Variants in PVT1 observed in about 807,000 individuals in gnomAD.
PVT1 encodes the protein Pvt1 oncogene.
rs1815280710 is a variant in PVT1 at position 127,865,830 on chromosome 8, G to A, written n.373-24759G>A. ...TGATGGCCAGCCTGGCATCCAGCCTGTGGGGAGTGGGAGCTGAGGGCAGTC... is the reference window on the plus strand; with the variant it reads ...TGATGGCCAGCCTGGCATCCAGCCTATGGGGAGTGGGAGCTGAGGGCAGTC... On this transcript the variant is annotated intron_variant and non_coding_transcript_variant, in intron 2 of 10. Transcript: ENST00000651587. Among the ~76,000 whole-genome samples the A allele has an allele frequency of 2.0e-5, 3 of 152,356 alleles. No homozygotes were observed. In the South Asian group the frequency reaches 6.2e-4, roughly 32 times the overall value.
intron 2 of PVT1, among the ~76,000 whole-genome samples, chr8:127,880,596 C>CTT (rs35252729): frequency 2.0e-4 from 22 of 108,086 alleles, no homozygotes; most frequent in South Asian, 6.9e-4. Context: ...GCCCCCGGCC[C>CTT]TTTTTTTTTT....
chr8:127,809,928 A>G (rs1266576276), intron 2 of PVT1, among the ~76,000 whole-genome samples: 1 of 152,232 alleles, frequency 6.6e-6, no homozygotes, highest in African/African-American at 2.4e-5. Context: ...ACAAAACAAA[A>G]GAGTTCATTT....
chr8:127,874,158 G>T (rs1437026948), intron 2 of PVT1, among the ~76,000 whole-genome samples: 1 of 152,206 alleles, frequency 6.6e-6, no homozygotes, highest in Non-Finnish European at 1.5e-5. Context: ...GCATCTTGGG[G>T]TGCAGTGCTA....
intron 4 of PVT1, among the ~76,000 whole-genome samples, chr8:128,023,902 A>C (rs1395882460): frequency 6.6e-6 from 1 of 152,214 alleles, no homozygotes; most frequent in African/African-American, 2.4e-5. Flanking sequence ...AACAAAAAAA[A>C]CAGCGGTCCC....
chr8:127,868,204 T>C (rs910488560), intron 2 of PVT1, among the ~76,000 whole-genome samples: 1 of 152,148 alleles, frequency 6.6e-6, no homozygotes, highest in Non-Finnish European at 1.5e-5. Context: ...GAGGTTAGGG[T>C]CCACCTTAGC....
At chr8:127,961,116 G>A (rs1201840397) in intron 3 of PVT1, among the ~76,000 whole-genome samples, 1 of 152,176 alleles carries the variant, frequency 6.6e-6, no homozygotes, top group Non-Finnish European at 1.5e-5. Flanking sequence ...AGGCAGGAGG[G>A]AGACAGGAAA....
intron 3 of PVT1, chr8:127,947,773 C>G (rs1465089227): frequency 2.2e-6 from 1 of 456,530 alleles, no homozygotes; most frequent in Admixed American, 2.3e-5. Context: ...GACAAGGTTT[C>G]TGAATCTTGT....
At chr8:127,835,796 T>C (rs977215808) in intron 2 of PVT1, among the ~76,000 whole-genome samples, 18 of 152,180 alleles carry the variant, frequency 1.2e-4, no homozygotes, top group African/African-American at 4.3e-4. Context: ...CACACACAAT[T>C]GGATGAGGTA....
chr8:127,895,147 G>A (rs1815659369), intron 3 of PVT1, among the ~76,000 whole-genome samples: 11 of 152,152 alleles, frequency 7.2e-5, no homozygotes, highest in Admixed American at 7.2e-4. Context: ...ACTTATTCAT[G>A]TATTCATTTC....
At chr8:128,038,134 T>C (rs1347276540) in intron 4 of PVT1, among the ~76,000 whole-genome samples, 1 of 152,182 alleles carries the variant, frequency 6.6e-6, no homozygotes, top group African/African-American at 2.4e-5. Context: ...AAATTTCTGG[T>C]AGACTTCTTG....
At chr8:127,829,288 A>G (rs1814825090) in intron 2 of PVT1, among the ~76,000 whole-genome samples, 2 of 152,176 alleles carry the variant, frequency 1.3e-5, no homozygotes, top group African/African-American at 4.8e-5. Context: ...AGGGGAAAAA[A>G]AATGCATATT....
At chr8:128,042,587 G>A (rs1346963356) in intron 4 of PVT1, among the ~76,000 whole-genome samples, 3 of 152,044 alleles carry the variant, frequency 2.0e-5, no homozygotes, top group African/African-American at 7.2e-5. Context: ...AGAAGGAGTG[G>A]AGCCTGGCAG....
chr8:128,065,634 T>C (rs1813899736), intron 4 of PVT1, among the ~76,000 whole-genome samples: 1 of 152,118 alleles, frequency 6.6e-6, no homozygotes, highest in Admixed American at 6.6e-5. Flanking sequence ...TCAATAGGCA[T>C]AGTATCTGTC....
intron 2 of PVT1, among the ~76,000 whole-genome samples, chr8:127,837,961 AAT>A (rs1275389203): frequency 3.3e-5 from 5 of 150,898 alleles, no homozygotes; most frequent in African/African-American, 1.2e-4. Context: ...GCAGTGGTGC[AAT>A]CTCGGCTCAC....
chr8:127,860,055 G>T (rs769666938), intron 2 of PVT1, among the ~76,000 whole-genome samples: 6 of 152,182 alleles, frequency 3.9e-5, no homozygotes, highest in African/African-American at 9.7e-5. Context: ...GCTGCCAGCG[G>T]TGATGAGAAC....
intron 3 of PVT1, among the ~76,000 whole-genome samples, chr8:127,910,930 A>T (rs903424261): frequency 2.7e-5 from 4 of 150,254 alleles, no homozygotes; most frequent in Admixed American, 2.0e-4. Context: ...AGAGAGAGAG[A>T]GATTGTGCAT....
At chr8:128,037,737 C>G (rs371880742) in intron 4 of PVT1, among the ~76,000 whole-genome samples, 122 of 152,318 alleles carry the variant, frequency 8.0e-4, no homozygotes, top group African/African-American at 2.8e-3. Flanking sequence ...AGTCTCTGCC[C>G]CTGCCTTCCA....
At chr8:127,914,739 A>G (rs1815959459) in intron 3 of PVT1, among the ~76,000 whole-genome samples, 1 of 152,014 alleles carries the variant, frequency 6.6e-6, no homozygotes, top group African/African-American at 2.4e-5. Flanking sequence ...AAGCAAAATT[A>G]TATAGACAGA....
At chr8:128,072,009 A>G (rs1814003369) in intron 5 of PVT1, among the ~76,000 whole-genome samples, 1 of 152,230 alleles carries the variant, frequency 6.6e-6, no homozygotes, top group Admixed American at 6.5e-5. Flanking sequence ...TAATAAACAT[A>G]AAGTGCCTAG....
Sources: gnomAD v4.1 joint callset for allele counts (sites outside exome capture counted in the v4.1 genomes callset) on GRCh38, gnomAD v4.1.1 for gene constraint, MANE v1.5 for transcripts, NCBI Gene and HGNC (gene_info 2026-07-23, HGNC 2026-07-21) for gene names.